OS9: variants seen among roughly 807,000 people sequenced by gnomAD.
OS9 encodes the protein protein OS-9.
A neutral mutation model predicts 84.7 loss-of-function variants in OS9; 58 were observed. The ratio of observed to expected loss-of-function variants is 0.68; its 90% confidence interval spans 0.55 to 0.85. The LOEUF (loss-of-function observed/expected upper bound fraction) is 0.85. Ranked by LOEUF, OS9 falls within the 40% of genes least tolerant of loss-of-function variation. The pLI is 0.00. For synonymous variants in OS9, 278 were observed against 320.8 expected (o/e 0.87, Z 1.43); for missense variants, 760 against 850.9 (o/e 0.89, Z 1.33).
Position 57,694,915 on chromosome 12 carries a change from T to C in OS9, c.328T>C (p.Cys110Arg). ...GTTGAGCCCAATGAGAGATGCTCCCTGCTTGCTGAAGGTGAAAGGGACTGG... is the reference window on the plus strand; with the variant it reads ...GTTGAGCCCAATGAGAGATGCTCCCCGCTTGCTGAAGGTGAAAGGGACTGG... ...ELLSPMRDAPCLLKTKDWWTY... is the reference protein window; with the variant it reads ...ELLSPMRDAPRLLKTKDWWTY... Residue 110 changes from cysteine to arginine, a missense_variant, in exon 2 of 15, where the codon TGC (cysteine) becomes CGC (arginine). Coordinates refer to ENST00000315970, the MANE Select transcript of OS9 (RefSeq NM_006812.4). 1 of 1,614,112 alleles carries C rather than the reference T, an allele frequency of 6.2e-7. No individual in the cohort carries two copies. The highest frequency in any genetic ancestry group is 8.5e-7 in the Non-Finnish European group (1 of 1,179,998).
intron 2 of OS9, 172 bp downstream of exon 2, chr12:57,695,098 G>C: frequency 1.6e-6 from 1 of 618,148 alleles, no homozygotes; most frequent in East Asian, 2.8e-5. Flanking sequence ...TGCAACCACT[G>C]ATGACACTTT....
chr12:57,719,947 G>A (rs752365429), intron 12 of OS9, 152 bp from the exon 13 acceptor site: 26 of 696,726 alleles, frequency 3.7e-5, no homozygotes, highest in Admixed American at 2.4e-4. Flanking sequence ...GGAGGGGCGG[G>A]GCACACATTT....
chr12:57,720,653 T>G (rs1595072068), intron 14 of OS9, 131 bp from the exon 15 acceptor site: 2 of 1,298,516 alleles, frequency 1.5e-6, no homozygotes, highest in South Asian at 1.3e-5. Flanking sequence ...TGGCTCAGAG[T>G]GCTGCCATGC....
intron 1 of OS9, 87 bp from the exon 2 acceptor site, chr12:57,694,663 C>T: frequency 7.4e-7 from 1 of 1,348,964 alleles, no homozygotes; most frequent in Non-Finnish European, 1.1e-6. Flanking sequence ...TGATCTCTTC[C>T]CCAGGGTTTG....
chr12:57,716,319 G>C (rs1954494865), intron 7 of OS9, 93 bp from the exon 8 acceptor site: 2 of 1,160,654 alleles, frequency 1.7e-6, no homozygotes, highest in Non-Finnish European at 2.5e-6. Flanking sequence ...TCCTCCCTTG[G>C]TGATAGAGGA....
At chr12:57,709,324 T>C (rs1320801913) in intron 5 of OS9, among the ~76,000 whole-genome samples, 1 of 152,252 alleles carries the variant, frequency 6.6e-6, no homozygotes, top group Non-Finnish European at 1.5e-5. Flanking sequence ...CTGAGTACTA[T>C]TTTGGTTGCA....
intron 5 of OS9, among the ~76,000 whole-genome samples, chr12:57,708,533 A>T (rs1387598990): frequency 1.3e-5 from 2 of 151,408 alleles, no homozygotes; most frequent in Non-Finnish European, 2.9e-5. Context: ...GAGGCTGATA[A>T]GGGAGGATCT....
chr12:57,706,495 T>G (rs1954171563), intron 5 of OS9, among the ~76,000 whole-genome samples: 1 of 152,206 alleles, frequency 6.6e-6, no homozygotes, highest in Non-Finnish European at 1.5e-5. Flanking sequence ...ATAAAATATC[T>G]TGAGGAGCTT....
Position 57,696,316 on chromosome 12 carries a change from C to T in OS9, c.522C>T (p.Thr174=). 1 of 1,613,890 alleles carries T rather than the reference C, an allele frequency of 6.2e-7. No homozygotes were observed. The highest frequency in any genetic ancestry group is 1.3e-5 in the African/African-American group (1 of 75,046). Residue 174 remains threonine (T), a synonymous_variant, in exon 5 of 15, where the codon ACC becomes ACT. Transcript: ENST00000315970. ...QHRLKRYHSQ[T]YGNGSKCDLN... is the part of the protein sequence containing the mutation. Reference sequence around the variant, plus strand: ...GTCTTAAACGCTACCACAGCCAGACCTATGGCAATGGGTCCAAGTGCGACC... The same window carrying T: ...GTCTTAAACGCTACCACAGCCAGACTTATGGCAATGGGTCCAAGTGCGACC...
intron 5 of OS9, 192 bp from the exon 6 acceptor site, chr12:57,715,568 C>T: frequency 2.0e-6 from 1 of 500,254 alleles, no homozygotes; most frequent in Non-Finnish European, 3.5e-6. Context: ...TTTCTTGAGG[C>T]ACGAAGTTGA....
chr12:57,697,924 T>TAAGCAC (rs1953906600), intron 5 of OS9, among the ~76,000 whole-genome samples: 1 of 91,548 alleles, frequency 1.1e-5, no homozygotes, highest in African/African-American at 4.0e-5. Flanking sequence ...CACACACACA[T>TAAGCAC]ACACACACAC....
At position 57,716,754 on chromosome 12, in the gene OS9, C is replaced by G. The variant is rs770276295; in HGVS notation, c.1045+10C>G. 2.5e-6 allele frequency: 4 copies of G among 1,610,490 alleles called. No individual in the cohort carries two copies. Among genetic ancestry groups the G allele is most frequent in the Non-Finnish European group, 3.4e-6 (4 of 1,176,820 alleles). ...TCTGGTGCTCCCAATGGTGAGTGAACCTTCCATGTCTCCTTTACTGAATAT... is the reference window on the plus strand; with the variant it reads ...TCTGGTGCTCCCAATGGTGAGTGAAGCTTCCATGTCTCCTTTACTGAATAT... On this transcript the variant is annotated intron_variant, in intron 9 of 14. Transcript: ENST00000315970.
At position 57,695,970 on chromosome 12, in the gene OS9, A is replaced by G. The variant is rs757287317; in HGVS notation, c.412A>G (p.Ile138Val). Residue 138 changes from isoleucine (I) to valine (V), a missense_variant, in exon 4 of 15, where the codon ATC (isoleucine) becomes GTC (valine). Ile to Val is a conservative substitution (Grantham distance 29). Coordinates refer to ENST00000315970, the MANE Select transcript of OS9 (RefSeq NM_006812.4). Reference protein sequence around the residue: ...IQQYHMEDSEIKGEVLYLGYY... With the variant: ...IQQYHMEDSEVKGEVLYLGYY... Reference sequence around the variant, plus strand: ...TGTGGCTTCCCTTGCAGATTCAGAGATCAAAGGTGAAGTCCTCTATCTCGG... The same window carrying G: ...TGTGGCTTCCCTTGCAGATTCAGAGGTCAAAGGTGAAGTCCTCTATCTCGG... The G allele has an allele frequency of 6.2e-7, 1 of 1,612,984 alleles. No individual in the cohort carries two copies. Among genetic ancestry groups the G allele is most frequent in the South Asian group, 1.1e-5 (1 of 91,070 alleles).
At chr12:57,716,580 A>T (rs1375336567) in intron 8 of OS9, 68 bp downstream of exon 8, 1 of 1,506,376 alleles carries the variant, frequency 6.6e-7, no homozygotes, top group Non-Finnish European at 9.2e-7. Flanking sequence ...GGCCATTGTG[A>T]GGTGACCTAC....
At chr12:57,706,605 A>G (rs1565773072) in intron 5 of OS9, among the ~76,000 whole-genome samples, 1 of 152,012 alleles carries the variant, frequency 6.6e-6, no homozygotes, top group East Asian at 1.9e-4. Flanking sequence ...TAATCCCAAC[A>G]CTTTGGGAGG....
Position 57,721,073 on chromosome 12 carries a change from G to A in OS9, c.*164G>A, listed in dbSNP as rs1460402885. 5 of 723,112 alleles carry A rather than the reference G, an allele frequency of 6.9e-6. No individual in the cohort carries two copies. Among genetic ancestry groups the A allele is most frequent in the Non-Finnish European group, 1.1e-5 (5 of 444,350 alleles). The allele number at this position is 723,112 out of a possible 1,614,324, so 44.8% of individuals were successfully genotyped here. A position where few individuals can be genotyped will look rare whatever the true frequency, so the allele number is the denominator to read the frequency against. Reference sequence around the variant, plus strand: ...GTGGGTGTGGGGGCCCTGGGTGAATGCTGCTGCCCCTGCTGGCAGCCACCT... The same window carrying A: ...GTGGGTGTGGGGGCCCTGGGTGAATACTGCTGCCCCTGCTGGCAGCCACCT... On this transcript the variant is annotated 3_prime_UTR_variant, in exon 15 of 15. Coordinates refer to ENST00000315970, the MANE Select transcript of OS9 (RefSeq NM_006812.4).
chr12:57,710,323 C>A (rs1281056110), intron 5 of OS9, among the ~76,000 whole-genome samples: 4 of 152,148 alleles, frequency 2.6e-5, no homozygotes, highest in African/African-American at 9.7e-5. Flanking sequence ...TTTTTAATCT[C>A]TGTGGCATCT....
rs754509891 is a variant in OS9 at position 57,718,324 on chromosome 12, A to G, written c.1313A>G (p.Lys438Arg). ...CGGCAGTTACTGGGAGAATTTGAGA[A>G]GGAACTGGAAGGGATCCTGCTTCCG... ...DERQLLGEFE[K>R]ELEGILLPSD... is the part of the protein sequence containing the mutation. Residue 438 changes from lysine to arginine, a missense_variant, in exon 11 of 15, where the codon AAG (lysine) becomes AGG (arginine). Transcript: ENST00000315970. 12 of 1,614,092 alleles carry G rather than the reference A, an allele frequency of 7.4e-6. No individual in the cohort carries two copies. Among genetic ancestry groups the G allele is most frequent in the East Asian group, 6.7e-5 (3 of 44,902 alleles).
Position 57,694,202 on chromosome 12 carries a change from T to C in OS9, c.41T>C (p.Leu14Pro), listed in dbSNP as rs1463947638. The change falls in exon 1 of 15, where the codon CTG (leucine) becomes CCG (proline). Residue 14 changes from leucine (L) to proline (P), a missense_variant. Coordinates refer to ENST00000315970, the MANE Select transcript of OS9 (RefSeq NM_006812.4). The part of the protein sequence containing the change: ...ETLLSSLLGL[L>P]LLGLLLPASL... ...CTGCTGTCCAGTTTGTTAGGACTGC[T>C]GCTTCTGGGACTCCTGTTACCCGCA... is the stretch of plus-strand genomic sequence containing the variant. The C allele has an allele frequency of 1.2e-6, 2 of 1,614,208 alleles. No individual in the cohort carries two copies. The highest frequency in any genetic ancestry group is 1.7e-6 in the Non-Finnish European group (2 of 1,180,026).
Sources: allele counts gnomAD v4.1 joint callset (sites outside exome capture counted in the v4.1 genomes callset), GRCh38; gene constraint gnomAD v4.1.1; transcripts MANE v1.5; gene names NCBI Gene and HGNC (gene_info 2026-07-23, HGNC 2026-07-21).